MAPK10: variants seen among roughly 807,000 people sequenced by gnomAD.
MAPK10 encodes the protein JNK3 alpha protein kinase.
MAPK10 carries 25 observed loss-of-function variants against 59.3 expected under a neutral mutation model. That is an observed-to-expected ratio of 0.42 (90% CI 0.31 to 0.59). The LOEUF is 0.59. MAPK10 is among the 20% of genes least tolerant of loss of function. The pLI is 0.15. For synonymous variants in MAPK10, 190 were observed against 200.5 expected, an observed-to-expected ratio of 0.95 and a Z score of 0.44; for missense variants, 351 against 568.9, an observed-to-expected ratio of 0.62 and a Z score of 3.90.
At chr4:86,371,370 A>G (rs1381426364) in intron 1 of MAPK10, among the ~76,000 whole-genome samples, 1 of 152,162 alleles carries the variant, frequency 6.6e-6, no homozygotes, top group Non-Finnish European at 1.5e-5. Flanking sequence ...GCCTGGGCCC[A>G]TGTTACAATA....
chr4:86,208,076 T>G (rs183736214), intron 2 of MAPK10, among the ~76,000 whole-genome samples: 4,626 of 152,152 alleles, frequency 0.03, 94 homozygotes, highest in South Asian at 0.04. Context: ...AATAACAGGA[T>G]CTGAAATTGT....
At chr4:86,025,494 C>A in intron 13 of MAPK10, 1 of 398,366 alleles carries the variant, frequency 2.5e-6, no homozygotes, top group Non-Finnish European at 4.4e-6. Flanking sequence ...TTGCGAAAAT[C>A]TCTTAAACAG....
intron 2 of MAPK10, among the ~76,000 whole-genome samples, chr4:86,277,751 A>G (rs1307818702): frequency 6.6e-6 from 1 of 152,144 alleles, no homozygotes; most frequent in African/African-American, 2.4e-5. Context: ...TATTATGAGT[A>G]TGTAATTGTA....
chr4:86,029,436 A>AT, intron 12 of MAPK10, 162 bp from the exon 13 acceptor site: 1 of 594,186 alleles, frequency 1.7e-6, no homozygotes, highest in East Asian at 2.8e-5. Flanking sequence ...ATTGCCTTGT[A>AT]ATTAGCAGAG....
At chr4:86,239,468 G>T (rs746024529) in intron 2 of MAPK10, among the ~76,000 whole-genome samples, 3 of 151,970 alleles carry the variant, frequency 2.0e-5, no homozygotes, top group Non-Finnish European at 2.9e-5. Flanking sequence ...CTGTGAATCC[G>T]TCTGGTCCTG....
intron 2 of MAPK10, among the ~76,000 whole-genome samples, chr4:86,310,798 T>C (rs1455532382): frequency 1.3e-5 from 2 of 152,150 alleles, no homozygotes; most frequent in African/African-American, 4.8e-5. Context: ...AGTGGTTTTT[T>C]TCTTCTCAAG....
At chr4:86,092,509 T>A (rs2149053122) in intron 9 of MAPK10, among the ~76,000 whole-genome samples, 1 of 152,160 alleles carries the variant, frequency 6.6e-6, no homozygotes, top group East Asian at 1.9e-4. Flanking sequence ...AAGAATTTGA[T>A]ACCAACTCTT....
intron 1 of MAPK10, among the ~76,000 whole-genome samples, chr4:86,372,764 T>A (rs1291137012): frequency 6.6e-6 from 1 of 152,138 alleles, no homozygotes; most frequent in Non-Finnish European, 1.5e-5. Flanking sequence ...GCTAAAGCAG[T>A]GTTTAGAGGG....
At chr4:86,207,954 C>CA (rs2084611177) in intron 2 of MAPK10, among the ~76,000 whole-genome samples, 1 of 152,026 alleles carries the variant, frequency 6.6e-6, no homozygotes. Context: ...TGGGCTGAGA[C>CA]AATGGGGTTT....
chr4:86,169,671 G>C (rs558866471), intron 3 of MAPK10, among the ~76,000 whole-genome samples: 13,008 of 150,494 alleles, frequency 0.086, 1,294 homozygotes, highest in African/African-American at 0.24. Context: ...CTTCCCCAAT[G>C]TAGCAAGGCA....
At chr4:86,502,828 A>T (rs916820677) in intron 1 of MAPK10, among the ~76,000 whole-genome samples, 1 of 152,110 alleles carries the variant, frequency 6.6e-6, no homozygotes, top group Non-Finnish European at 1.5e-5. Flanking sequence ...TCATTCTAAA[A>T]GACATTTTTG....
intron 1 of MAPK10, among the ~76,000 whole-genome samples, chr4:86,510,286 T>A (rs1756121230): frequency 6.6e-6 from 1 of 152,032 alleles, no homozygotes; most frequent in Non-Finnish European, 1.5e-5. Flanking sequence ...CTAATTTTTG[T>A]ATTTTTTGTA....
intron 2 of MAPK10, among the ~76,000 whole-genome samples, chr4:86,316,221 C>A (rs191148982): frequency 5.9e-5 from 9 of 152,210 alleles, no homozygotes; most frequent in Admixed American, 5.2e-4. Flanking sequence ...CATAGCAAAT[C>A]CTTAGCAATA....
chr4:86,284,713 G>C (rs1358693246), intron 2 of MAPK10, among the ~76,000 whole-genome samples: 1 of 152,172 alleles, frequency 6.6e-6, no homozygotes, highest in Non-Finnish European at 1.5e-5. Context: ...AATTATTGTT[G>C]CTGTTGTCAT....
chr4:86,550,718 G>A (rs1284824543), intron 1 of MAPK10, among the ~76,000 whole-genome samples: 1 of 152,052 alleles, frequency 6.6e-6, no homozygotes, highest in Non-Finnish European at 1.5e-5. Flanking sequence ...AAATAAATAA[G>A]TAAATACAAA....
intron 1 of MAPK10, among the ~76,000 whole-genome samples, chr4:86,547,345 C>G (rs1022092447): frequency 6.6e-6 from 1 of 152,252 alleles, no homozygotes; most frequent in Non-Finnish European, 1.5e-5. Context: ...GGAACCAGGA[C>G]TGCGCGAGTT....
chr4:86,322,422 T>C (rs1367989742), intron 2 of MAPK10, among the ~76,000 whole-genome samples: 1 of 152,212 alleles, frequency 6.6e-6, no homozygotes, highest in Non-Finnish European at 1.5e-5. Context: ...GATGTGCAGT[T>C]ACGAACGTCT....
At chr4:86,095,114 T>C (rs1433790342) in intron 9 of MAPK10, 1 of 151,888 alleles carries the variant, frequency 6.6e-6, no homozygotes, top group Non-Finnish European at 1.5e-5. Context: ...AGCAAATTAA[T>C]AAGTGGAAAA....
intron 2 of MAPK10, among the ~76,000 whole-genome samples, chr4:86,313,477 C>T (rs2095712276): frequency 1.3e-5 from 2 of 152,016 alleles, no homozygotes; most frequent in Admixed American, 1.3e-4. Flanking sequence ...TTGAAATCTA[C>T]CTATTCAACA....
Sources: gnomAD v4.1 joint callset for allele counts (sites outside exome capture counted in the v4.1 genomes callset) on GRCh38, gnomAD v4.1.1 for gene constraint, MANE v1.5 for transcripts, NCBI Gene and HGNC (gene_info 2026-07-23, HGNC 2026-07-21) for gene names.